KCNQ1: variants seen among roughly 807,000 people sequenced by gnomAD.
KCNQ1 encodes potassium voltage-gated channel subfamily Q member 1.
KCNQ1 carries 49 observed loss-of-function variants against 72.4 expected under a neutral mutation model. That is an observed-to-expected ratio of 0.68 (90% confidence interval 0.54 to 0.86). KCNQ1 has a LOEUF of 0.86. KCNQ1 is among the 40% of genes least tolerant of loss of function. The pLI is 0.00. For missense variants in KCNQ1, 790 were observed against 945.1 expected, an observed-to-expected ratio of 0.84 and a Z score of 2.15; for synonymous variants, 450 against 412.6, an observed-to-expected ratio of 1.09 and a Z score of -1.10.
In KCNQ1 at chr11:2,673,719, G is replaced by C. The variant is rs1411593928; in HGVS notation, c.1514+11638G>C. 1 of 398,586 alleles carries C rather than the reference G, an allele frequency of 2.5e-6. No individual in the cohort carries two copies. Among genetic ancestry groups the C allele is most frequent in the South Asian group, 1.3e-4 (1 of 7,852 alleles). 24.7% of individuals were successfully genotyped at this position (398,586 alleles called of 1,614,324 possible). A position where few individuals can be genotyped will look rare whatever the true frequency, so the allele number is the denominator to read the frequency against. On this transcript the variant is annotated intron_variant, in intron 11 of 15. Transcript: ENST00000155840. This position sits in a 1 kb window ranked among gnomAD's most constrained non-coding sequence, Gnocchi z 4.5. ...CTGAGGTTGCTGAATCTCAGGGCTT[G>C]GAAGGCCCAGACTGGACAGGGGAAG...
In KCNQ1 at chr11:2,458,641, A is replaced by ATGGATGGG. The variant is rs1309259891; in HGVS notation, c.386+13164_386+13165insGTGGATGG. ...CCACAATGCTTCCTTGCCTGGATGGATGGATGGATGGATGGATGGATGGAT... is the reference window on the plus strand; with the variant it reads ...CCACAATGCTTCCTTGCCTGGATGGATGGATGGGTGGATGGATGGATGGATGGATGGAT... On this transcript the variant is annotated intron_variant, in intron 1 of 15. Coordinates refer to ENST00000155840, the MANE Select transcript of KCNQ1 (RefSeq NM_000218.3). This position sits in a 1 kb window ranked among gnomAD's most constrained non-coding sequence, Gnocchi z 4.6. Among the ~76,000 whole-genome samples, 2 of 71,116 alleles carry ATGGATGGG rather than the reference A, an allele frequency of 2.8e-5. No individual in the cohort carries two copies. The highest frequency in any genetic ancestry group is 1.0e-3 in the South Asian group (2 of 1,982). 46.7% of individuals were successfully genotyped at this position (71,116 alleles called of 152,430 possible).
rs539584003 is a variant in KCNQ1, at chr11:2,450,063, C to A, written c.386+4579C>A. On this transcript the variant is annotated intron_variant, in intron 1 of 15. Coordinates refer to ENST00000155840, the MANE Select transcript of KCNQ1 (RefSeq NM_000218.3). The surrounding 1 kb of genome is among the most constrained non-coding windows in gnomAD (Gnocchi z 7.9). ...AGCCCCTGCTCGGCCCTAGGCAGGG[C>A]CCCCAGTTCCCTGCATTCCACCCGC... Among the ~76,000 whole-genome samples the A allele has an allele frequency of 2.6e-4, 40 of 152,294 alleles. No homozygotes were observed. The highest frequency in any genetic ancestry group is 2.0e-3 in the Admixed American group (30 of 15,300).
Position 2,462,537 on chromosome 11 carries a change from C to G in KCNQ1, c.386+17053C>G, listed in dbSNP as rs888166657. Reference sequence around the variant, plus strand: ...GCTGTCATGATCCCACCATGTGCCCCCCGTGAGGCCCCCACCTGTTACTGA... The same window carrying G: ...GCTGTCATGATCCCACCATGTGCCCGCCGTGAGGCCCCCACCTGTTACTGA... On this transcript the variant is annotated intron_variant, in intron 1 of 15. Coordinates refer to ENST00000155840, the MANE Select transcript of KCNQ1 (RefSeq NM_000218.3). The surrounding 1 kb of genome is among the most constrained non-coding windows in gnomAD (Gnocchi z 8.2). Among the ~76,000 whole-genome samples the G allele has an allele frequency of 6.6e-6, 1 of 152,236 alleles. No homozygotes were observed. The highest frequency in any genetic ancestry group is 2.4e-5 in the African/African-American group (1 of 41,460).
chr11:2,816,053 G>A lies in KCNQ1; in HGVS notation c.1795-31714G>A, dbSNP rs192088607. 1.3e-4 allele frequency among the ~76,000 whole-genome samples: 20 copies of A among 152,312 alleles called. 1 individual carries two copies. The Middle Eastern group carries it at 0.01, about 78-fold the overall frequency. ...AGGGCTCCGTTAGATGAATGTGGAC[G>A]GCTGGCGGCCGGGGCTTGGGAGATC... On this transcript the variant is annotated intron_variant, in intron 15 of 15. Coordinates refer to ENST00000155840, the MANE Select transcript of KCNQ1 (RefSeq NM_000218.3). This position sits in a 1 kb window ranked among gnomAD's most constrained non-coding sequence, Gnocchi z 6.8.
intron 10 of KCNQ1, chr11:2,628,517 A>T: frequency 2.5e-6 from 1 of 398,404 alleles, no homozygotes; most frequent in Non-Finnish European, 4.4e-6. Flanking sequence ...TAGTTATATG[A>T]GTTCCTTATA....
chr11:2,807,453 C>G (rs943863435), intron 15 of KCNQ1, among the ~76,000 whole-genome samples: 1 of 152,204 alleles, frequency 6.6e-6, no homozygotes, highest in Admixed American at 6.5e-5. Flanking sequence ...CCTCGCCCCC[C>G]CACTCCGGGC....
chr11:2,594,295 T>C (rs1282790497), intron 10 of KCNQ1, among the ~76,000 whole-genome samples: 1 of 152,210 alleles, frequency 6.6e-6, no homozygotes, highest in Non-Finnish European at 1.5e-5. Flanking sequence ...ATCAGGCTAA[T>C]TGATTTTCCT....
At chr11:2,604,635 C>A (rs1470461396) in intron 10 of KCNQ1, among the ~76,000 whole-genome samples, 2 of 151,848 alleles carry the variant, frequency 1.3e-5, no homozygotes, top group African/African-American at 4.8e-5. Flanking sequence ...ACCTCTACCT[C>A]CCAGGTTCAA....
chr11:2,500,022 A>C (rs1846984476), intron 1 of KCNQ1, among the ~76,000 whole-genome samples: 1 of 152,250 alleles, frequency 6.6e-6, no homozygotes, highest in East Asian at 1.9e-4. Context: ...GACATTTTGG[A>C]AACTATACAG....
In KCNQ1 at chr11:2,462,655, G is replaced by A. The variant is rs190665344; in HGVS notation, c.386+17171G>A. On this transcript the variant is annotated intron_variant, in intron 1 of 15. Coordinates refer to ENST00000155840, the MANE Select transcript of KCNQ1 (RefSeq NM_000218.3). The surrounding 1 kb of genome is among the most constrained non-coding windows in gnomAD (Gnocchi z 8.2). The stretch of plus-strand genomic sequence containing the variant: ...CCCTGGGGCCTGCTCTCTTGGTAGG[G>A]GTTGACCCTGCCTGTGACTTAGACA... 1.6e-3 allele frequency among the ~76,000 whole-genome samples: 250 copies of A among 152,226 alleles called. No individual in the cohort carries two copies. The highest frequency in any genetic ancestry group is 5.2e-3 in the African/African-American group (216 of 41,528).
Position 2,671,669 on chromosome 11 carries a change from C to T in KCNQ1, c.1514+9588C>T. ...CTGCTGGGGAAACTGAGGCAGAGAG[C>T]AGGGGTGACTTTGCAAGGCAATAGA... On this transcript the variant is annotated intron_variant, in intron 11 of 15. Transcript: ENST00000155840. The surrounding 1 kb of genome is among the most constrained non-coding windows in gnomAD (Gnocchi z 4.7). The T allele has an allele frequency of 5.0e-6, 2 of 398,508 alleles. No individual in the cohort carries two copies. Among genetic ancestry groups the T allele is most frequent in the Non-Finnish European group, 8.8e-6 (2 of 226,094 alleles). The allele number at this position is 398,508 out of a possible 1,614,324, so 24.7% of individuals were successfully genotyped here.
intron 15 of KCNQ1, among the ~76,000 whole-genome samples, chr11:2,829,202 C>G (rs1425745455): frequency 6.6e-6 from 1 of 152,052 alleles, no homozygotes; most frequent in Admixed American, 6.5e-5. Context: ...ACACCAAAAA[C>G]AAAAGGCCAA....
intron 9 of KCNQ1, 27 bp downstream of exon 9, chr11:2,587,719 A>AGGGCC (rs1211121721): frequency 6.2e-7 from 1 of 1,613,312 alleles, no homozygotes; most frequent in African/African-American, 1.3e-5. Context: ...CCACCAGGGC[A>AGGGCC]GGGCCTTCTT....
intron 1 of KCNQ1, among the ~76,000 whole-genome samples, chr11:2,489,691 CAGT>C (rs1846803015): frequency 6.6e-6 from 1 of 152,204 alleles, no homozygotes; most frequent in Non-Finnish European, 1.5e-5. Flanking sequence ...AGCTCAACCA[CAGT>C]AGGAGAGGAC....
intron 10 of KCNQ1, chr11:2,646,475 C>T: frequency 2.5e-6 from 1 of 398,514 alleles, no homozygotes; most frequent in Admixed American, 4.4e-5. Context: ...TTGCTTTCTT[C>T]ATTTCTCTTT....
At chr11:2,685,615 G>A (rs1458335134) in intron 11 of KCNQ1, 3 of 398,602 alleles carry the variant, frequency 7.5e-6, no homozygotes, top group African/African-American at 2.1e-5. Context: ...GCAGCTGGCT[G>A]TTGCCATTCC....
At chr11:2,454,671 C>T (rs901624727) in intron 1 of KCNQ1, among the ~76,000 whole-genome samples, 4 of 151,924 alleles carry the variant, frequency 2.6e-5, no homozygotes, top group South Asian at 2.1e-4. Context: ...AAACAAAAAC[C>T]GTATGATCAT....
intron 11 of KCNQ1, chr11:2,680,222 A>G (rs2133879528): frequency 2.5e-6 from 1 of 398,230 alleles, no homozygotes; most frequent in South Asian, 1.3e-4. Flanking sequence ...AAAAAAAAAA[A>G]AAAAAGTTGT....
Position 2,759,607 on chromosome 11 carries a change from T to C in KCNQ1, c.1515-9237T>C, listed in dbSNP as rs538325821. Among the ~76,000 whole-genome samples the C allele has an allele frequency of 3.5e-4, 53 of 152,314 alleles. No individual in the cohort carries two copies. The highest frequency in any genetic ancestry group is 6.5e-4 in the Admixed American group (10 of 15,306). On this transcript the variant is annotated intron_variant, in intron 11 of 15. Coordinates refer to ENST00000155840, the MANE Select transcript of KCNQ1 (RefSeq NM_000218.3). The surrounding 1 kb of genome is among the most constrained non-coding windows in gnomAD (Gnocchi z 4.4). ...TGGGAAGGAAGGGAGCGAGCTCTTA[T>C]TTCCTTATTTTCTTTCCATCTCCAC...
Sources: allele counts gnomAD v4.1 joint callset (sites outside exome capture counted in the v4.1 genomes callset), GRCh38; gene constraint gnomAD v4.1.1; non-coding constraint Gnocchi (gnomAD v3.1); transcripts MANE v1.5; gene names NCBI Gene and HGNC (gene_info 2026-07-23, HGNC 2026-07-21).